The following XKR4 variants were observed in gnomAD, a reference collection of about 807,000 sequenced individuals.
XKR4 encodes the protein XK-related protein 4.
Under a neutral mutation model 53.9 loss-of-function variants are expected in XKR4, and 12 were observed. The ratio of observed to expected loss-of-function variants is 0.22; its 90% CI spans 0.14 to 0.36. The LOEUF is 0.36. XKR4 is among the 10% of genes least tolerant of loss of function. The pLI is 1.00. For missense variants in XKR4, 799 were observed against 859.5 expected (o/e 0.93, Z 0.88); for synonymous variants, 354 against 362.4 (o/e 0.98, Z 0.26).
At chr8:55,173,475 A>G (rs778744411) in intron 1 of XKR4, among the ~76,000 whole-genome samples, 18 of 152,200 alleles carry the variant, frequency 1.2e-4, no homozygotes, top group Non-Finnish European at 1.8e-4. Context: ...ATAGCTTTAG[A>G]ACACATGATA....
chr8:55,345,614 T>A (rs1419392726), intron 1 of XKR4, among the ~76,000 whole-genome samples: 3 of 152,172 alleles, frequency 2.0e-5, no homozygotes, highest in Non-Finnish European at 4.4e-5. Context: ...AAGGAAAAAG[T>A]GGTCAGGTTC....
chr8:55,517,486 G>A (rs1050326136), intron 2 of XKR4: 1 of 152,176 alleles, frequency 6.6e-6, no homozygotes, highest in Admixed American at 6.5e-5. Context: ...AATGCAGGGT[G>A]TTAGGGGCTA....
intron 1 of XKR4, among the ~76,000 whole-genome samples, chr8:55,280,717 T>G (rs147877828): frequency 2.0e-5 from 3 of 152,316 alleles, no homozygotes; most frequent in Middle Eastern, 3.4e-3. Context: ...TACTTGATTT[T>G]AGATGTGAAA....
intron 1 of XKR4, among the ~76,000 whole-genome samples, chr8:55,206,051 C>T (rs931385737): frequency 6.6e-6 from 1 of 152,168 alleles, no homozygotes; most frequent in Non-Finnish European, 1.5e-5. Flanking sequence ...CCGGTGGGTT[C>T]GTAGTCTCTC....
intron 2 of XKR4, among the ~76,000 whole-genome samples, chr8:55,423,905 A>G (rs1225844932): frequency 1.3e-5 from 2 of 152,258 alleles, no homozygotes; most frequent in Non-Finnish European, 2.9e-5. Flanking sequence ...AGGGTCAGGA[A>G]TAGATTCTCC....
intron 2 of XKR4, among the ~76,000 whole-genome samples, chr8:55,520,509 C>A (rs1379282677): frequency 6.6e-6 from 1 of 152,116 alleles, no homozygotes; most frequent in African/African-American, 2.4e-5. Flanking sequence ...TGGGTTGAAC[C>A]CAGGAGGTGA....
chr8:55,431,485 C>CA (rs200703012), intron 2 of XKR4, among the ~76,000 whole-genome samples: 27 of 151,400 alleles, frequency 1.8e-4, no homozygotes, highest in East Asian at 1.2e-3. Flanking sequence ...TCAGTTTTTC[C>CA]AAAAAAAAGA....
intron 2 of XKR4, among the ~76,000 whole-genome samples, chr8:55,506,164 CACGAATGCATGAAATGCAAATTAAACA>C (rs1806523511): frequency 6.6e-6 from 1 of 152,214 alleles, no homozygotes; most frequent in Non-Finnish European, 1.5e-5. Flanking sequence ...CCCCCTCTCC[CACGAATGCATGAAATGCAAATTAAACA>C]ACAGGTGTTT....
intron 1 of XKR4, chr8:55,135,352 C>T (rs1445357112): frequency 1.3e-5 from 3 of 230,892 alleles, no homozygotes; most frequent in African/African-American, 6.6e-5. Context: ...TCTTTAACCA[C>T]TATGTTGTAA....
chr8:55,503,207 A>C (rs541782886), intron 2 of XKR4, among the ~76,000 whole-genome samples: 45 of 151,438 alleles, frequency 3.0e-4, no homozygotes, highest in Non-Finnish European at 5.6e-4. Context: ...TTTAGGATGG[A>C]TTTTTCTATT....
intron 1 of XKR4, among the ~76,000 whole-genome samples, chr8:55,215,499 C>T (rs1217459909): frequency 2.0e-5 from 3 of 152,170 alleles, no homozygotes; most frequent in African/African-American, 4.8e-5. Context: ...AGACAAAATA[C>T]TAGCAAACTG....
intron 1 of XKR4, among the ~76,000 whole-genome samples, chr8:55,337,890 T>A (rs193088327): frequency 1.3e-4 from 20 of 152,352 alleles, no homozygotes; most frequent in African/African-American, 4.6e-4. Flanking sequence ...CACTATGTTA[T>A]GAGAAAGTCA....
chr8:55,166,817 G>A (rs1329115906), intron 1 of XKR4, among the ~76,000 whole-genome samples: 25 of 152,144 alleles, frequency 1.6e-4, no homozygotes, highest in Admixed American at 1.6e-3. Flanking sequence ...ATAAGGATGG[G>A]ACCAAACCCA....
intron 2 of XKR4, among the ~76,000 whole-genome samples, chr8:55,386,469 C>T (rs1249851939): frequency 1.3e-5 from 2 of 152,168 alleles, no homozygotes; most frequent in Non-Finnish European, 2.9e-5. Context: ...GCCAGAAAGA[C>T]GTTCATTCAA....
chr8:55,131,163 A>AAACAAC (rs56967446), intron 1 of XKR4, among the ~76,000 whole-genome samples: 74 of 150,324 alleles, frequency 4.9e-4, no homozygotes, highest in African/African-American at 1.6e-3. Context: ...GCTGTCTCAA[A>AAACAAC]AACAACAACA....
chr8:55,226,752 A>G (rs1817958023), intron 1 of XKR4, among the ~76,000 whole-genome samples: 1 of 152,082 alleles, frequency 6.6e-6, no homozygotes, highest in Admixed American at 6.6e-5. Context: ...TCACCTTCTA[A>G]CAGATCTTAC....
At chr8:55,307,324 G>A (rs1819317609) in intron 1 of XKR4, among the ~76,000 whole-genome samples, 1 of 152,048 alleles carries the variant, frequency 6.6e-6, no homozygotes, top group African/African-American at 2.4e-5. Context: ...TACAAATTGG[G>A]CAAAAGACAA....
At chr8:55,442,500 T>C (rs1365474994) in intron 2 of XKR4, among the ~76,000 whole-genome samples, 1 of 152,316 alleles carries the variant, frequency 6.6e-6, no homozygotes, top group East Asian at 1.9e-4. Context: ...GCCCAAGAGA[T>C]TTGAACACAT....
At chr8:55,297,021 T>C (rs1227603264) in intron 1 of XKR4, among the ~76,000 whole-genome samples, 2 of 152,192 alleles carry the variant, frequency 1.3e-5, no homozygotes, top group African/African-American at 4.8e-5. Context: ...AAAATAGAGA[T>C]GTTGACTTAG....
Sources: allele counts gnomAD v4.1 joint callset (sites outside exome capture counted in the v4.1 genomes callset), GRCh38; gene constraint gnomAD v4.1.1; transcripts MANE v1.5; gene names NCBI Gene and HGNC (gene_info 2026-07-23, HGNC 2026-07-21).